The following BMPER variants were observed in gnomAD, a reference collection of about 807,000 sequenced individuals.
The protein encoded by BMPER is BMP binding endothelial regulator, also known as BMP-binding endothelial regulator protein.
In BMPER, 45 loss-of-function variants were observed where a neutral mutation model predicts 87.3. The observed-to-expected ratio is 0.52, with a 90% CI of 0.41 to 0.66. BMPER has a LOEUF of 0.66. Among genes scored for constraint, BMPER ranks in the 30% least tolerant of loss-of-function variants. The pLI is 0.00. For missense variants in BMPER, 784 were observed against 867.5 expected, an observed-to-expected ratio of 0.90 and a Z score of 1.21; for synonymous variants, 326 against 316.2, an observed-to-expected ratio of 1.03 and a Z score of -0.33.
rs140409170 is a variant in BMPER at position 34,002,851 on chromosome 7, A to G, written c.576+28067A>G. 4.1e-3 allele frequency among the ~76,000 whole-genome samples: 627 copies of G among 151,478 alleles called. 4 individuals are homozygous for G. The highest frequency in any genetic ancestry group is 0.014 in the African/African-American group (574 of 41,422). On this transcript the variant is annotated intron_variant, in intron 6 of 14. Transcript: ENST00000649409. ...TACTGCTCTCTTTCAGTTACTTTGC[A>G]TAGTATATCTTTCTTCTATCCTTTT...
At chr7:33,994,131 G>T (rs1222777143) in intron 6 of BMPER, among the ~76,000 whole-genome samples, 1 of 152,174 alleles carries the variant, frequency 6.6e-6, no homozygotes, top group Non-Finnish European at 1.5e-5. Context: ...GCCTCCTTGA[G>T]CTGTGGTGGG....
intron 13 of BMPER, among the ~76,000 whole-genome samples, chr7:34,127,880 A>G (rs765170948): frequency 6.6e-6 from 1 of 152,106 alleles, no homozygotes; most frequent in Admixed American, 6.5e-5. Context: ...CTTAATCCCT[A>G]CATAACTTCT....
chr7:34,054,600 A>C (rs982413322), intron 8 of BMPER, among the ~76,000 whole-genome samples: 1 of 152,182 alleles, frequency 6.6e-6, no homozygotes, highest in East Asian at 1.9e-4. Flanking sequence ...AAGTCACTCC[A>C]CTACATTAGA....
intron 11 of BMPER, among the ~76,000 whole-genome samples, chr7:34,076,174 G>A (rs570736566): frequency 5.3e-5 from 8 of 152,008 alleles, no homozygotes; most frequent in Admixed American, 3.9e-4. Context: ...ATTGCTTCCC[G>A]CCCAGCTATG....
chr7:33,992,425 G>C (rs1245556489), intron 6 of BMPER, among the ~76,000 whole-genome samples: 2 of 137,622 alleles, frequency 1.5e-5, no homozygotes, highest in African/African-American at 2.7e-5. Context: ...TTTTATCAGA[G>C]ACTAGGATTG....
chr7:34,108,938 A>G (rs963653194), intron 13 of BMPER, among the ~76,000 whole-genome samples: 5 of 152,166 alleles, frequency 3.3e-5, no homozygotes, highest in African/African-American at 1.2e-4. Flanking sequence ...TGGTCATGGA[A>G]GGGGTTGGAG....
intron 13 of BMPER, among the ~76,000 whole-genome samples, chr7:34,100,550 A>G (rs1789654909): frequency 6.6e-6 from 1 of 151,958 alleles, no homozygotes; most frequent in Admixed American, 6.6e-5. Context: ...CCTGTGCTGT[A>G]CTCTTCCAGC....
chr7:34,134,263 A>G (rs1248352271), intron 13 of BMPER, among the ~76,000 whole-genome samples: 1 of 152,186 alleles, frequency 6.6e-6, no homozygotes, highest in Non-Finnish European at 1.5e-5. Context: ...TCTGCCAAGC[A>G]CCATTTTTAT....
chr7:33,918,948 C>T (rs1054494646), intron 2 of BMPER, among the ~76,000 whole-genome samples: 3 of 152,100 alleles, frequency 2.0e-5, no homozygotes, highest in African/African-American at 7.2e-5. Flanking sequence ...TCTCATTAGT[C>T]TGGGGTGGCT....
At chr7:33,956,606 CCT>C (rs565783893) in intron 3 of BMPER, among the ~76,000 whole-genome samples, 11 of 152,116 alleles carry the variant, frequency 7.2e-5, no homozygotes, top group Non-Finnish European at 1.6e-4. Flanking sequence ...CTCTTCCACC[CCT>C]GAGACAGCAA....
chr7:33,923,078 A>G (rs915794849), intron 2 of BMPER, among the ~76,000 whole-genome samples: 2 of 152,160 alleles, frequency 1.3e-5, no homozygotes, highest in African/African-American at 2.4e-5. Flanking sequence ...GCCTGCCTGT[A>G]TGTGTAGACT....
chr7:33,968,523 G>A (rs1030377879), intron 4 of BMPER, among the ~76,000 whole-genome samples: 2 of 152,220 alleles, frequency 1.3e-5, no homozygotes, highest in Non-Finnish European at 2.9e-5. Flanking sequence ...GCGTAGGGCA[G>A]TAGGTGAAAT....
At chr7:34,083,140 G>A (rs560466491) in intron 12 of BMPER, among the ~76,000 whole-genome samples, 58 of 152,314 alleles carry the variant, frequency 3.8e-4, no homozygotes, top group African/African-American at 1.4e-3. Flanking sequence ...TGTTACCGGG[G>A]TAATTCATTT....
intron 3 of BMPER, among the ~76,000 whole-genome samples, chr7:33,940,320 C>A (rs2128610190): frequency 6.6e-6 from 1 of 152,218 alleles, no homozygotes; most frequent in South Asian, 2.1e-4. Context: ...AAGAGTGTCT[C>A]AACATTCATT....
intron 6 of BMPER, among the ~76,000 whole-genome samples, chr7:34,029,261 G>A (rs1787462493): frequency 6.6e-6 from 1 of 152,078 alleles, no homozygotes; most frequent in Admixed American, 6.6e-5. Context: ...AATGAAAATA[G>A]ATGATTGGGA....
At chr7:33,971,402 A>C (rs529900268) in intron 5 of BMPER, among the ~76,000 whole-genome samples, 1 of 152,250 alleles carries the variant, frequency 6.6e-6, no homozygotes, top group Admixed American at 6.5e-5. Flanking sequence ...CCTCCTCAGC[A>C]ACCTGGGCTG....
intron 6 of BMPER, among the ~76,000 whole-genome samples, chr7:33,999,751 T>A (rs1786526727): frequency 6.6e-6 from 1 of 152,216 alleles, no homozygotes. Context: ...GAATTCTGCA[T>A]AAACCTGAGG....
At chr7:33,986,739 A>G (rs754204156) in intron 6 of BMPER, among the ~76,000 whole-genome samples, 19 of 152,208 alleles carry the variant, frequency 1.2e-4, no homozygotes, top group Middle Eastern at 3.2e-3. Context: ...GAGAATGGAA[A>G]TATTCATTAA....
At chr7:34,007,679 A>G (rs1040507593) in intron 6 of BMPER, among the ~76,000 whole-genome samples, 3 of 151,992 alleles carry the variant, frequency 2.0e-5, no homozygotes, top group Non-Finnish European at 4.4e-5. Flanking sequence ...GATACAGGAT[A>G]ATTTACTCAT....
Sources: allele counts gnomAD v4.1 joint callset (sites outside exome capture counted in the v4.1 genomes callset), GRCh38; gene constraint gnomAD v4.1.1; transcripts MANE v1.5; gene names NCBI Gene and HGNC (gene_info 2026-07-23, HGNC 2026-07-21).